Variants in IKZF4 observed in about 807,000 individuals in gnomAD.
IKZF4 encodes the protein zinc finger protein Eos.
In IKZF4, 11 loss-of-function variants were observed where a neutral mutation model predicts 47.7. That is an observed-to-expected ratio of 0.23 (90% confidence interval 0.15 to 0.38). IKZF4 has a LOEUF of 0.38. Among genes scored for constraint, IKZF4 ranks in the 10% least tolerant of loss-of-function variants. IKZF4 has a pLI of 1.00. For synonymous variants in IKZF4, 298 were observed against 299.4 expected (o/e 1.00, Z 0.05); for missense variants, 557 against 784.9 (o/e 0.71, Z 3.47).
chr12:56,015,951 C>A (rs527827027), intron 2 of IKZF4, among the ~76,000 whole-genome samples: 1 of 152,240 alleles, frequency 6.6e-6, no homozygotes, highest in Non-Finnish European at 1.5e-5. Context: ...AAAGTTCAGT[C>A]CATCCCAGGA....
chr12:56,024,023 A>G, intron 2 of IKZF4: 6 of 711,016 alleles, frequency 8.4e-6, no homozygotes, highest in Non-Finnish European at 1.0e-5. Flanking sequence ...GTTTATCTAC[A>G]TGTATTTTTA....
upstream of IKZF4, among the ~76,000 whole-genome samples, chr12:56,017,266 C>T (rs1302424634): frequency 8.8e-6 from 1 of 113,642 alleles, no homozygotes; most frequent in Non-Finnish European, 1.6e-5. Flanking sequence ...TTAAAATAAG[C>T]GTGGTAGAGT....
In IKZF4 at chr12:56,026,922, G is replaced by A; in HGVS notation, c.428G>A (p.Gly143Glu). 1 of 1,612,966 alleles carries A rather than the reference G, an allele frequency of 6.2e-7. No individual in the cohort carries two copies. Among genetic ancestry groups the A allele is most frequent in the Non-Finnish European group, 8.5e-7 (1 of 1,179,452 alleles). The change falls in exon 4 of 8, where the codon GGG becomes GAG. Residue 143 changes from glycine to glutamate, a missense_variant. Around this residue, in one of 6 missense-constraint regions of IKZF4, gnomAD observed 112 missense variants for 168.2 expected, o/e 0.67. Transcript: ENST00000547167. ...CCCCTGGGCTACTGTGATGGGAGTG[G>A]GCCAGAGCCTCACTCCCCTGGGGGC... ...SEPLGYCDGSGPEPHSPGGIR... is the reference protein window; with the variant it reads ...SEPLGYCDGSEPEPHSPGGIR...
chr12:56,023,821 A>C, intron 2 of IKZF4, 57 bp downstream of exon 2: 1 of 1,584,112 alleles, frequency 6.3e-7, no homozygotes, highest in African/African-American at 1.3e-5. Context: ...GACTTCAGGG[A>C]TGAATTTTAG....
rs554461322 is a variant in IKZF4, at chr12:56,036,025, T to C, written c.*694T>C. The C allele has an allele frequency of 2.0e-5, 3 of 152,708 alleles. No individual in the cohort carries two copies. Among genetic ancestry groups the C allele is most frequent in the East Asian group, 3.9e-4 (2 of 5,182 alleles). 9.5% of individuals were successfully genotyped at this position (152,708 alleles called of 1,614,324 possible). ...ACTGAGAGTCCTATTCCCCTAGTAA[T>C]AGGTCATATTCCCCTAGTAATATGA... On this transcript the variant is annotated 3_prime_UTR_variant, in exon 8 of 8. Transcript: ENST00000547167.
At chr12:56,013,791 C>T (rs1891643829) in intron 2 of IKZF4, among the ~76,000 whole-genome samples, 1 of 152,148 alleles carries the variant, frequency 6.6e-6, no homozygotes, top group African/African-American at 2.4e-5. Flanking sequence ...CACAGAAAAC[C>T]AGGACTGAGA....
chr12:56,019,402 C>T, upstream of IKZF4: 1 of 983,052 alleles, frequency 1.0e-6, no homozygotes, highest in Non-Finnish European at 1.2e-6. Flanking sequence ...TTGGCAACAC[C>T]CGGGTAATGT....
upstream of IKZF4, chr12:56,018,098 T>C: frequency 7.9e-7 from 1 of 1,271,420 alleles, no homozygotes; most frequent in Non-Finnish European, 1.0e-6. Context: ...AGCTATCTTC[T>C]AATAGCAGCT....
At chr12:56,012,487 G>A (rs1891454667) in intron 2 of IKZF4, among the ~76,000 whole-genome samples, 1 of 151,926 alleles carries the variant, frequency 6.6e-6, no homozygotes, top group Non-Finnish European at 1.5e-5. Context: ...TGGTCAGGCT[G>A]GTCTCGAACT....
intron 4 of IKZF4, 73 bp from the exon 5 acceptor site, chr12:56,027,707 G>A (rs1592964891): frequency 1.3e-6 from 2 of 1,498,590 alleles, no homozygotes; most frequent in Non-Finnish European, 1.8e-6. Context: ...AGGTAGGGCA[G>A]AGGGTGGGTG....
intron 3 of IKZF4, among the ~76,000 whole-genome samples, chr12:56,025,811 A>C (rs1893880496): frequency 6.6e-6 from 1 of 151,990 alleles, no homozygotes; most frequent in African/African-American, 2.4e-5. Flanking sequence ...TTTTCCCGCC[A>C]CTGTTAACTT....
At chr12:56,032,862 G>A (rs1895100694) in intron 6 of IKZF4, among the ~76,000 whole-genome samples, 152 bp downstream of exon 6, 1 of 152,226 alleles carries the variant, frequency 6.6e-6, no homozygotes, top group Non-Finnish European at 1.5e-5. Context: ...CCCCATTCTA[G>A]GTAACCCAGT....
At chr12:56,020,103 C>T (rs547472948), upstream of IKZF4, among the ~76,000 whole-genome samples, 4 of 152,236 alleles carry the variant, frequency 2.6e-5, no homozygotes, top group African/African-American at 7.2e-5. Context: ...GCAGCCCTCC[C>T]GAAGCACACT....
At chr12:56,019,873 A>T (rs771409765), upstream of IKZF4, among the ~76,000 whole-genome samples, 3 of 152,256 alleles carry the variant, frequency 2.0e-5, no homozygotes, top group Non-Finnish European at 4.4e-5. Flanking sequence ...GCCTCTGCAC[A>T]GGATGGTTTT....
chr12:56,022,475 T>C (rs2136633396), intron 1 of IKZF4, among the ~76,000 whole-genome samples: 1 of 152,324 alleles, frequency 6.6e-6, no homozygotes, highest in East Asian at 1.9e-4. Context: ...TCCCAGACTT[T>C]TGAGATTCCC....
In IKZF4 at chr12:56,035,092, C is replaced by T. The variant is rs367879107; in HGVS notation, c.1519C>T (p.Arg507Trp). The T allele has an allele frequency of 1.6e-5, 26 of 1,604,116 alleles. No homozygotes were observed. Among genetic ancestry groups the T allele is most frequent in the South Asian group, 3.4e-5 (3 of 89,314 alleles). ...CCCCAAGCCACAGGAGGGGTTATTG[C>T]GGGGCACCCCAGGCCCCTCCAAGGA... is the stretch of plus-strand genomic sequence containing the variant. ...EDPKPQEGLL[R>W]GTPGPSKEVL... The change falls in exon 8 of 8, where the codon CGG becomes TGG. Residue 507 changes from arginine (R) to tryptophan (W), a missense_variant. Transcript: ENST00000547167. The surrounding 1 kb of genome is among the most constrained non-coding windows in gnomAD (Gnocchi z 6.1).
At chr12:56,017,026 G>A (rs927861731), upstream of IKZF4, among the ~76,000 whole-genome samples, 2 of 151,950 alleles carry the variant, frequency 1.3e-5, no homozygotes, top group African/African-American at 2.4e-5. Flanking sequence ...CACCATGCCA[G>A]CCGCAATTTT....
chr12:56,027,808 T>C lies in IKZF4; in HGVS notation c.576T>C (p.Cys192=). 6.2e-7 allele frequency: 1 copy of C among 1,613,384 alleles called. No homozygotes were observed. Among genetic ancestry groups the C allele is most frequent in the Non-Finnish European group, 8.5e-7 (1 of 1,179,586 alleles). Residue 192 remains cysteine, a synonymous_variant, in exon 5 of 8, where the codon TGT becomes TGC. Coordinates refer to ENST00000547167, the MANE Select transcript of IKZF4 (RefSeq NM_022465.4). ...AAAGGCCCTTCCATTGCAACCAGTGTGGTGCCTCCTTCACCCAGAAGGGGA... is the reference window on the plus strand; with the variant it reads ...AAAGGCCCTTCCATTGCAACCAGTGCGGTGCCTCCTTCACCCAGAAGGGGA... ...TGERPFHCNQ[C]GASFTQKGNL...
chr12:56,008,989 G>C (rs934595927), intron 1 of IKZF4, among the ~76,000 whole-genome samples: 1 of 151,994 alleles, frequency 6.6e-6, no homozygotes, highest in African/African-American at 2.4e-5. Context: ...AAAATTTTTT[G>C]CATACCTTAT....
Sources: allele counts gnomAD v4.1 joint callset (sites outside exome capture counted in the v4.1 genomes callset), GRCh38; gene constraint gnomAD v4.1.1; regional missense constraint gnomAD v4.1.1; non-coding constraint Gnocchi (gnomAD v3.1); transcripts MANE v1.5; gene names NCBI Gene and HGNC (gene_info 2026-07-23, HGNC 2026-07-21).